GRB10: variants seen among roughly 807,000 people sequenced by gnomAD.
GRB10 encodes growth factor receptor bound protein 10.
GRB10 carries 20 observed loss-of-function variants against 80.9 expected under a neutral mutation model. That is an observed-to-expected ratio of 0.25 (90% CI 0.17 to 0.36). The LOEUF (loss-of-function observed/expected upper bound fraction) is 0.36, where lower values mean the gene tolerates loss of function less well. Among genes scored for constraint, GRB10 ranks in the 10% least tolerant of loss-of-function variants. The pLI is 1.00. For missense variants in GRB10, 548 were observed against 747.7 expected (o/e 0.73, Z 3.12); for synonymous variants, 291 against 291.5 (o/e 1.00, Z 0.02).
rs1486938938 is a variant in GRB10 at position 50,732,207 on chromosome 7, C to T, written c.51+65G>A. 4.7e-6 allele frequency: 7 copies of T among 1,503,480 alleles called. No individual in the cohort carries two copies. In the African/African-American group the frequency reaches 8.3e-5, roughly 18 times the overall value. 93.1% of individuals were successfully genotyped at this position (1,503,480 alleles called of 1,614,324 possible). ...AGAAACGATCCATGGCTGCTGGCGA[C>T]ATGTGTGCCCTGGCCCTCGACCAGC... On this transcript the variant is annotated intron_variant, in intron 4 of 18. Coordinates refer to ENST00000401949, the MANE Select transcript of GRB10 (RefSeq NM_001350814.2).
At chr7:50,739,577 A>G (rs973046873) in intron 3 of GRB10, among the ~76,000 whole-genome samples, 2 of 152,210 alleles carry the variant, frequency 1.3e-5, no homozygotes, top group East Asian at 3.9e-4. Flanking sequence ...AACCCATGCA[A>G]TCCACTCTCA....
At chr7:50,700,260 G>T (rs777860878) in intron 5 of GRB10, among the ~76,000 whole-genome samples, 1 of 152,096 alleles carries the variant, frequency 6.6e-6, no homozygotes, top group African/African-American at 2.4e-5. Flanking sequence ...TCTCTATTAC[G>T]ATTTTATATT....
intron 2 of GRB10, among the ~76,000 whole-genome samples, chr7:50,756,978 C>T (rs1011051745): frequency 6.6e-6 from 1 of 152,172 alleles, no homozygotes; most frequent in Non-Finnish European, 1.5e-5. Flanking sequence ...TGGGTGATCT[C>T]AACAGATCCC....
intron 2 of GRB10, among the ~76,000 whole-genome samples, chr7:50,766,633 TGATAAA>T (rs773078850): frequency 6.6e-6 from 1 of 152,150 alleles, no homozygotes; most frequent in Non-Finnish European, 1.5e-5. Context: ...CGTGCACAGT[TGATAAA>T]GATCTCTCCT....
intron 13 of GRB10, 116 bp from the exon 14 acceptor site, chr7:50,606,530 T>C (rs2048561392): frequency 3.9e-6 from 3 of 771,384 alleles, no homozygotes; most frequent in Non-Finnish European, 7.0e-6. Flanking sequence ...TGATGCCCTG[T>C]ACCAGCCTCC....
Position 50,592,646 on chromosome 7 carries a change from C to T in GRB10, c.*306G>A, listed in dbSNP as rs568097925. 1.6e-5 allele frequency: 7 copies of T among 449,958 alleles called. No individual in the cohort carries two copies. The highest frequency in any genetic ancestry group is 4.4e-5 in the East Asian group (1 of 22,900). 27.9% of individuals were successfully genotyped at this position (449,958 alleles called of 1,614,324 possible). A position where few individuals can be genotyped will look rare whatever the true frequency, so the allele number is the denominator to read the frequency against. On this transcript the variant is annotated 3_prime_UTR_variant, in exon 19 of 19. Transcript: ENST00000401949. ...GAGTTCATTTCCAATCACTTCTCTC[C>T]GGTTCTTGTTCCTAAGCGGCCCAAG...
At chr7:50,638,347 CA>C (rs2055469404) in intron 7 of GRB10, among the ~76,000 whole-genome samples, 1 of 152,076 alleles carries the variant, frequency 6.6e-6, no homozygotes, top group Admixed American at 6.5e-5. Flanking sequence ...CAAATTATGA[CA>C]AAGGACTAAT....
At chr7:50,605,070 T>G (rs951786912) in intron 15 of GRB10, 1 of 579,936 alleles carries the variant, frequency 1.7e-6, no homozygotes. Context: ...GTCCCTTCCA[T>G]GAAAGCCCAG....
rs192535766 is a variant in GRB10, at chr7:50,737,539, T to C, written c.-46-5171A>G. Among the ~76,000 whole-genome samples the C allele has an allele frequency of 2.0e-5, 3 of 152,356 alleles. No individual in the cohort carries two copies. In the East Asian group the frequency reaches 5.8e-4, roughly 29 times the overall value. On this transcript the variant is annotated intron_variant, in intron 3 of 18. Transcript: ENST00000401949. The stretch of plus-strand genomic sequence containing the variant: ...TTATAAGTTACCTAGTCTCAGGTAG[T>C]TCTTTATAGCAATATAACAACAGAC...
At chr7:50,597,871 CT>C (rs1004217264) in intron 17 of GRB10, among the ~76,000 whole-genome samples, 9 of 151,532 alleles carry the variant, frequency 5.9e-5, no homozygotes, top group African/African-American at 1.5e-4. Flanking sequence ...AACAACACCT[CT>C]TTTTTTTTGA....
chr7:50,713,265 C>A (rs2153678013), intron 4 of GRB10, among the ~76,000 whole-genome samples: 1 of 152,168 alleles, frequency 6.6e-6, no homozygotes, highest in Admixed American at 6.5e-5. Context: ...ACTACTGCCC[C>A]TGCCTCCTCC....
intron 5 of GRB10, among the ~76,000 whole-genome samples, chr7:50,684,899 T>C (rs2061944145): frequency 6.6e-6 from 1 of 152,182 alleles, no homozygotes; most frequent in African/African-American, 2.4e-5. Flanking sequence ...AGAAACTATA[T>C]AAATAACTTG....
intron 3 of GRB10, among the ~76,000 whole-genome samples, chr7:50,753,858 G>T (rs573185999): frequency 6.6e-6 from 1 of 152,374 alleles, no homozygotes; most frequent in African/African-American, 2.4e-5. Context: ...GTAAGAAAAG[G>T]CAGGAAGCCC....
At chr7:50,759,771 G>GC (rs2075547710) in intron 2 of GRB10, among the ~76,000 whole-genome samples, 1 of 152,110 alleles carries the variant, frequency 6.6e-6, no homozygotes, top group African/African-American at 2.4e-5. Flanking sequence ...CAACTCAGCT[G>GC]CCAGGGACCC....
At chr7:50,645,733 G>A (rs1441009103) in intron 7 of GRB10, 2 of 529,374 alleles carry the variant, frequency 3.8e-6, no homozygotes, top group Non-Finnish European at 4.8e-6. Flanking sequence ...ATCGTCTAGA[G>A]TTTCTTGAAA....
chr7:50,670,026 C>T (rs1586664518), intron 6 of GRB10, among the ~76,000 whole-genome samples, 163 bp from the exon 7 acceptor site: 1 of 152,204 alleles, frequency 6.6e-6, no homozygotes, highest in East Asian at 1.9e-4. Flanking sequence ...AAAGTAGAGG[C>T]ATCCCAAGGG....
intron 7 of GRB10, among the ~76,000 whole-genome samples, chr7:50,629,866 T>A (rs1241828929): frequency 6.6e-6 from 1 of 152,186 alleles, no homozygotes; most frequent in Non-Finnish European, 1.5e-5. Flanking sequence ...CATCCAGTGT[T>A]CAAGCATCTC....
intron 2 of GRB10, among the ~76,000 whole-genome samples, chr7:50,756,621 C>T (rs904166600): frequency 6.6e-6 from 1 of 152,202 alleles, no homozygotes; most frequent in African/African-American, 2.4e-5. Context: ...TGATTCATCA[C>T]TCAAGTCCTA....
intron 12 of GRB10, among the ~76,000 whole-genome samples, chr7:50,614,077 G>A (rs2050072812): frequency 6.6e-6 from 1 of 152,206 alleles, no homozygotes; most frequent in Admixed American, 6.5e-5. Flanking sequence ...CTACCATTAT[G>A]ATTATTAATA....
Sources: gnomAD v4.1 joint callset for allele counts (sites outside exome capture counted in the v4.1 genomes callset) on GRCh38, gnomAD v4.1.1 for gene constraint, MANE v1.5 for transcripts, NCBI Gene and HGNC (gene_info 2026-07-23, HGNC 2026-07-21) for gene names.